Variants in ARHGEF4 observed in about 807,000 individuals in gnomAD.
The protein encoded by ARHGEF4 is APC-stimulated guanine nucleotide exchange factor 1.
Under a neutral mutation model 162.0 loss-of-function variants are expected in ARHGEF4, and 119 were observed. The observed-to-expected ratio is 0.73, with a 90% CI of 0.63 to 0.86. The LOEUF is 0.86. Among genes scored for constraint, ARHGEF4 ranks in the 40% least tolerant of loss-of-function variants. The probability of loss-of-function intolerance (pLI) is 0.00; values close to 1 mark genes in which losing one functional copy is unlikely to be tolerated. For missense variants in ARHGEF4, 2,488 were observed against 2,456.0 expected (o/e 1.01, Z -0.28); for synonymous variants, 1,014 against 979.9 (o/e 1.03, Z -0.65).
intron 5 of ARHGEF4, chr2:131,034,855 T>G (rs1055448810): frequency 1.2e-4 from 47 of 395,634 alleles, no homozygotes; most frequent in African/African-American, 9.3e-4. Flanking sequence ...GCCGCCGCGG[T>G]CCCTCTGAGC....
chr2:131,019,983 C>T (rs948542610), intron 4 of ARHGEF4, among the ~76,000 whole-genome samples: 1 of 152,080 alleles, frequency 6.6e-6, no homozygotes, highest in Non-Finnish European at 1.5e-5. Context: ...CAAAAGTTTC[C>T]TTTTCAGATT....
rs2105134465 is a variant in ARHGEF4 at position 130,941,226 on chromosome 2, A to C, written c.3859-5283A>C. 3.2e-5 allele frequency among the ~76,000 whole-genome samples: 3 copies of C among 94,432 alleles called. No individual in the cohort carries two copies. In the South Asian group the frequency reaches 1.0e-3, roughly 32 times the overall value. The allele number at this position is 94,432 out of a possible 152,430, so 62.0% of individuals were successfully genotyped here. A position where few individuals can be genotyped will look rare whatever the true frequency, so the allele number is the denominator to read the frequency against. On this transcript the variant is annotated intron_variant, in intron 3 of 13. Coordinates refer to ENST00000409359, the MANE Select transcript of ARHGEF4 (RefSeq NM_001367493.1). ...CCATTTATAATTTTTTTTTTTTTTG[A>C]GATGGAGTCTTGCTCTGTTCCCCAG...
At chr2:131,007,753 G>C (rs1194846802) in intron 4 of ARHGEF4, among the ~76,000 whole-genome samples, 1 of 134,714 alleles carries the variant, frequency 7.4e-6, no homozygotes, top group Non-Finnish European at 1.6e-5. Context: ...TATGCTTTTA[G>C]TGACTTTAGT....
intron 1 of ARHGEF4, among the ~76,000 whole-genome samples, chr2:130,839,734 T>C (rs919314968): frequency 6.6e-6 from 1 of 152,154 alleles, no homozygotes; most frequent in African/African-American, 2.4e-5. Flanking sequence ...GCATCGTGTG[T>C]GGGCCAAGCA....
chr2:131,039,237 CAG>C (rs1423833038), intron 6 of ARHGEF4: 3 of 1,273,968 alleles, frequency 2.4e-6, no homozygotes, highest in Non-Finnish European at 3.1e-6. Context: ...CCTCGGGGGC[CAG>C]AGAGGAGAGC....
At chr2:130,886,163 G>T (rs550227639) in intron 1 of ARHGEF4, among the ~76,000 whole-genome samples, 1 of 151,946 alleles carries the variant, frequency 6.6e-6, no homozygotes, top group Non-Finnish European at 1.5e-5. Flanking sequence ...TGCCTCCTTG[G>T]TGCTTACCCA....
At chr2:131,018,157 A>G (rs1025648876) in intron 4 of ARHGEF4, among the ~76,000 whole-genome samples, 13 of 152,224 alleles carry the variant, frequency 8.5e-5, no homozygotes, top group Admixed American at 3.9e-4. Context: ...CAGAATAGAA[A>G]ATCCAGAAAT....
At chr2:130,876,692 A>G (rs1212660722) in intron 1 of ARHGEF4, among the ~76,000 whole-genome samples, 1 of 152,154 alleles carries the variant, frequency 6.6e-6, no homozygotes, top group Non-Finnish European at 1.5e-5. Context: ...GCGCCCAGCC[A>G]TGATCATCTT....
At chr2:130,977,062 T>C (rs1685779060) in intron 4 of ARHGEF4, among the ~76,000 whole-genome samples, 1 of 151,328 alleles carries the variant, frequency 6.6e-6, no homozygotes. Context: ...GTGGTGTGTT[T>C]TGTATGTGTG....
rs1250148774 is a variant in ARHGEF4, at chr2:131,035,157, G to A, written c.4126-3696G>A. On this transcript the variant is annotated intron_variant, in intron 5 of 13. Coordinates refer to ENST00000409359, the MANE Select transcript of ARHGEF4 (RefSeq NM_001367493.1). Reference sequence around the variant, plus strand: ...CCGGGAACGCCCTGCGCGCCCTGCTGCGCTGCAACCTGCCCCCCGGCGCCC... The same window carrying A: ...CCGGGAACGCCCTGCGCGCCCTGCTACGCTGCAACCTGCCCCCCGGCGCCC... 6.6e-6 allele frequency: 8 copies of A among 1,214,814 alleles called. No individual in the cohort carries two copies. The African/African-American group carries it at 7.9e-5, about 12-fold the overall frequency. The allele number at this position is 1,214,814 out of a possible 1,614,324, so 75.3% of individuals were successfully genotyped here.
intron 8 of ARHGEF4, among the ~76,000 whole-genome samples, chr2:131,040,846 ACCT>A (rs1194021551): frequency 1.3e-5 from 2 of 152,080 alleles, no homozygotes; most frequent in Non-Finnish European, 1.5e-5. Flanking sequence ...CTAAGTGGAC[ACCT>A]CCTAGCCTCA....
In ARHGEF4 at chr2:131,035,598, G is replaced by T. The variant is rs570128241; in HGVS notation, c.4126-3255G>T. ...GTCTGGAAACGGAGTGCATGTGACCGCTGGGTGAGCGACCCGCGCTTGCAT... is the reference window on the plus strand; with the variant it reads ...GTCTGGAAACGGAGTGCATGTGACCTCTGGGTGAGCGACCCGCGCTTGCAT... On this transcript the variant is annotated intron_variant, in intron 5 of 13. Coordinates refer to ENST00000409359, the MANE Select transcript of ARHGEF4 (RefSeq NM_001367493.1). 6.5e-5 allele frequency: 61 copies of T among 937,404 alleles called. No homozygotes were observed. In the East Asian group the frequency reaches 5.7e-3, roughly 88 times the overall value. The allele number at this position is 937,404 out of a possible 1,614,324, so 58.1% of individuals were successfully genotyped here. A position where few individuals can be genotyped will look rare whatever the true frequency, so the allele number is the denominator to read the frequency against.
intron 4 of ARHGEF4, among the ~76,000 whole-genome samples, chr2:130,949,508 C>A (rs556285008): frequency 1.3e-5 from 2 of 151,958 alleles, no homozygotes; most frequent in South Asian, 4.1e-4. Flanking sequence ...GGCCCGCCAC[C>A]ACGCCTGGCT....
At chr2:130,873,209 C>G (rs1000681058) in intron 1 of ARHGEF4, among the ~76,000 whole-genome samples, 1 of 152,064 alleles carries the variant, frequency 6.6e-6, no homozygotes. Flanking sequence ...AATGGCGATA[C>G]AGTGCACACC....
intron 5 of ARHGEF4, chr2:131,035,466 T>G: frequency 4.2e-6 from 1 of 240,012 alleles, no homozygotes; most frequent in Non-Finnish European, 6.5e-6. Flanking sequence ...TTCTGTCCTC[T>G]GTGCCCTGTG....
At chr2:130,898,596 A>G (rs1379136765) in intron 1 of ARHGEF4, among the ~76,000 whole-genome samples, 1 of 152,064 alleles carries the variant, frequency 6.6e-6, no homozygotes, top group East Asian at 1.9e-4. Context: ...AGGATGAGAG[A>G]GAAAGGAAGG....
intron 4 of ARHGEF4, among the ~76,000 whole-genome samples, chr2:130,949,195 AC>A (rs987895259): frequency 6.6e-6 from 1 of 152,174 alleles, no homozygotes; most frequent in Non-Finnish European, 1.5e-5. Context: ...TTAATCTGCA[AC>A]AATCTTTCCA....
chr2:130,978,751 C>CAA (rs879858758), intron 4 of ARHGEF4, among the ~76,000 whole-genome samples: 85 of 123,220 alleles, frequency 6.9e-4, no homozygotes, highest in African/African-American at 1.6e-3. Flanking sequence ...TAAATAGCTC[C>CAA]AAAAAAAAAA....
At chr2:131,020,170 C>T (rs1466119289) in intron 4 of ARHGEF4, among the ~76,000 whole-genome samples, 1 of 151,960 alleles carries the variant, frequency 6.6e-6, no homozygotes, top group Non-Finnish European at 1.5e-5. Flanking sequence ...ATGTGGATGT[C>T]CTTTATTCTT....
Sources: allele counts gnomAD v4.1 joint callset (sites outside exome capture counted in the v4.1 genomes callset), GRCh38; gene constraint gnomAD v4.1.1; transcripts MANE v1.5; gene names NCBI Gene and HGNC (gene_info 2026-07-23, HGNC 2026-07-21).